Variants in PPARGC1B observed in about 807,000 individuals in gnomAD.
The protein encoded by PPARGC1B is PPARG coactivator 1 beta.
A neutral mutation model predicts 101.6 loss-of-function variants in PPARGC1B; 34 were observed. The ratio of observed to expected loss-of-function variants is 0.33; its 90% CI spans 0.25 to 0.45. The LOEUF (loss-of-function observed/expected upper bound fraction) is 0.45, where lower values mean the gene tolerates loss of function less well. PPARGC1B is among the 20% of genes least tolerant of loss of function. PPARGC1B has a pLI of 1.00. For missense variants in PPARGC1B, 1,234 were observed against 1,317.6 expected, an observed-to-expected ratio of 0.94 and a Z score of 0.98; for synonymous variants, 548 against 539.3, an observed-to-expected ratio of 1.02 and a Z score of -0.22.
At chr5:149,778,061 TCTCACA>T (rs1173538187) in intron 1 of PPARGC1B, among the ~76,000 whole-genome samples, 1 of 4,824 alleles carries the variant, frequency 2.1e-4, no homozygotes, top group Non-Finnish European at 2.8e-4. Context: ...TGTAGCAGCA[TCTCACA>T]CACACACACA....
At chr5:149,816,736 G>A (rs745491611) in intron 1 of PPARGC1B, among the ~76,000 whole-genome samples, 43 of 152,314 alleles carry the variant, frequency 2.8e-4, no homozygotes, top group Non-Finnish European at 4.9e-4. Flanking sequence ...GCTCACCCAA[G>A]ATCTTATTGC....
At chr5:149,799,690 G>GTTTTTTTTTTTTTTTTTTTTTTT (rs369350284) in intron 1 of PPARGC1B, among the ~76,000 whole-genome samples, 2 of 65,050 alleles carry the variant, frequency 3.1e-5, no homozygotes, top group African/African-American at 5.3e-5. Context: ...TTTGCTTGTT[G>GTTTTTTTTTTTTTTTTTTTTTTT]TTGTTTTTTT....
At chr5:149,823,589 T>C (rs1758388835) in intron 2 of PPARGC1B, among the ~76,000 whole-genome samples, 1 of 152,140 alleles carries the variant, frequency 6.6e-6, no homozygotes, top group Non-Finnish European at 1.5e-5. Flanking sequence ...TCCATTAATT[T>C]GCACTCTGTT....
chr5:149,838,328 CAAAGTGAGG>C (rs1424937609), intron 8 of PPARGC1B, among the ~76,000 whole-genome samples: 1 of 152,132 alleles, frequency 6.6e-6, no homozygotes, highest in Non-Finnish European at 1.5e-5. Flanking sequence ...TTTTGTTCCT[CAAAGTGAGG>C]TCCGCAGCAA....
At chr5:149,750,157 G>A (rs1207025721) in intron 1 of PPARGC1B, among the ~76,000 whole-genome samples, 2 of 152,100 alleles carry the variant, frequency 1.3e-5, no homozygotes, top group Non-Finnish European at 1.5e-5. Context: ...GGTTTGGAAG[G>A]AGGAGAAGGT....
intron 1 of PPARGC1B, among the ~76,000 whole-genome samples, chr5:149,767,483 G>A (rs1160728032): frequency 6.6e-6 from 1 of 152,158 alleles, no homozygotes; most frequent in Non-Finnish European, 1.5e-5. Flanking sequence ...ATTAGGATGT[G>A]CTCACAGACA....
At chr5:149,845,580 G>A (rs1759517008) in intron 10 of PPARGC1B, 180 bp from the exon 11 acceptor site, 2 of 616,116 alleles carry the variant, frequency 3.2e-6, no homozygotes, top group Admixed American at 6.1e-5. Flanking sequence ...CATATTAGCT[G>A]CTTTCATTAT....
chr5:149,771,520 C>T (rs1756131214), intron 1 of PPARGC1B, among the ~76,000 whole-genome samples: 2 of 152,328 alleles, frequency 1.3e-5, no homozygotes, highest in Middle Eastern at 3.4e-3. Context: ...ATATTCTAGT[C>T]AGGTGTGACA....
chr5:149,824,430 A>G (rs32584), intron 2 of PPARGC1B, among the ~76,000 whole-genome samples: 26,029 of 152,146 alleles, frequency 0.17, 2,559 homozygotes, highest in African/African-American at 0.25. Flanking sequence ...CATTGAGCTT[A>G]GGGACCTAAG....
chr5:149,848,473 C>T lies in PPARGC1B; in HGVS notation c.*915C>T, dbSNP rs1272587696. ...AGGCCTTCTGGTTCTTGGTCCCGTG[C>T]TTCCGTAGTAGCTGGGGTAAAGACA... On this transcript the variant is annotated 3_prime_UTR_variant, in exon 12 of 12. Coordinates refer to ENST00000309241, the MANE Select transcript of PPARGC1B (RefSeq NM_133263.4). The T allele has an allele frequency of 6.6e-6, 1 of 152,254 alleles. No homozygotes were observed. The highest frequency in any genetic ancestry group is 2.4e-5 in the African/African-American group (1 of 41,454). 9.4% of individuals were successfully genotyped at this position (152,254 alleles called of 1,614,324 possible).
In PPARGC1B at chr5:149,730,330, C is replaced by A. The variant is rs1254584168; in HGVS notation, c.-13C>A. 6.4e-7 allele frequency: 1 copy of A among 1,551,368 alleles called. No homozygotes were observed. Among genetic ancestry groups the A allele is most frequent in the Non-Finnish European group, 8.7e-7 (1 of 1,151,074 alleles). ...GCGTTGACTCCGCCGCACGCTGCAG[C>A]CGCGGCTGGAAGATGGCGGGGAACG... is the stretch of plus-strand genomic sequence containing the variant. On this transcript the variant is annotated 5_prime_UTR_variant, in exon 1 of 12. Coordinates refer to ENST00000309241, the MANE Select transcript of PPARGC1B (RefSeq NM_133263.4). This position sits in a 1 kb window ranked among gnomAD's most constrained non-coding sequence, Gnocchi z 4.0.
Position 149,836,426 on chromosome 5 carries a change from G to A in PPARGC1B, c.1971G>A (p.Lys657=). Residue 657 remains lysine (K), a synonymous_variant, in exon 8 of 12, where the codon AAG becomes AAA. Transcript: ENST00000309241. ...TPGAAHKLPK[K]HPERSELLSH... ...GGGCTGCCCACAAGCTGCCAAAGAA[G>A]CACCCAGAGCGAAGTGAGCTCCTGT... The A allele has an allele frequency of 1.2e-6, 2 of 1,614,078 alleles. No individual in the cohort carries two copies. Among genetic ancestry groups the A allele is most frequent in the Non-Finnish European group, 1.7e-6 (2 of 1,180,006 alleles).
rs1392109414 is a variant in PPARGC1B, at chr5:149,849,720, G to A, written c.*2162G>A. ...CCCTGTCTGTGATGTTCCGTTCCAT[G>A]AGAGAAAACTCCCCTAATGCTATTC... On this transcript the variant is annotated 3_prime_UTR_variant, in exon 12 of 12. Transcript: ENST00000309241. 1 of 152,214 alleles carries A rather than the reference G, an allele frequency of 6.6e-6. No homozygotes were observed. The highest frequency in any genetic ancestry group is 2.4e-5 in the African/African-American group (1 of 41,448). 9.4% of individuals were successfully genotyped at this position (152,214 alleles called of 1,614,324 possible).
chr5:149,779,627 G>A (rs775688562), intron 1 of PPARGC1B, among the ~76,000 whole-genome samples: 2 of 152,206 alleles, frequency 1.3e-5, no homozygotes, highest in Non-Finnish European at 2.9e-5. Flanking sequence ...AGGAAATAAT[G>A]GGAGTCAGCT....
chr5:149,816,705 G>A (rs1323064139), intron 1 of PPARGC1B, among the ~76,000 whole-genome samples: 1 of 152,200 alleles, frequency 6.6e-6, no homozygotes. Flanking sequence ...TTACTGGAGA[G>A]AGGGAGATCT....
intron 11 of PPARGC1B, 59 bp from the exon 12 acceptor site, chr5:149,847,399 G>T (rs761859884): frequency 7.9e-7 from 1 of 1,263,314 alleles, no homozygotes; most frequent in South Asian, 1.2e-5. Context: ...CAACCATCCG[G>T]TCTTTGTAAG....
intron 1 of PPARGC1B, among the ~76,000 whole-genome samples, chr5:149,733,718 G>A (rs897518169): frequency 6.6e-6 from 1 of 152,098 alleles, no homozygotes; most frequent in African/African-American, 2.4e-5. Flanking sequence ...AATGCAGAGG[G>A]CTGCAGCTGT....
chr5:149,797,398 G>A (rs1757264614), intron 1 of PPARGC1B, among the ~76,000 whole-genome samples: 1 of 152,180 alleles, frequency 6.6e-6, no homozygotes, highest in Non-Finnish European at 1.5e-5. Flanking sequence ...CGGTGACTTT[G>A]TTGTCAATGG....
At chr5:149,800,907 C>T (rs1037629153) in intron 1 of PPARGC1B, among the ~76,000 whole-genome samples, 1 of 152,242 alleles carries the variant, frequency 6.6e-6, no homozygotes, top group African/African-American at 2.4e-5. Flanking sequence ...ACTGCTGAGG[C>T]GGCGGCACAC....
Sources: gnomAD v4.1 joint callset for allele counts (sites outside exome capture counted in the v4.1 genomes callset) on GRCh38, gnomAD v4.1.1 for gene constraint, Gnocchi (gnomAD v3.1) non-coding constraint, MANE v1.5 for transcripts, NCBI Gene and HGNC (gene_info 2026-07-23, HGNC 2026-07-21) for gene names.